Variants in PDE2A observed in about 807,000 individuals in gnomAD.
PDE2A encodes the protein phosphodiesterase 2A.
In PDE2A, 53 loss-of-function variants were observed where a neutral mutation model predicts 133.6. The observed-to-expected ratio is 0.40, with a 90% CI of 0.32 to 0.50. PDE2A has a LOEUF of 0.50. Ranked by LOEUF, PDE2A falls within the 20% of genes least tolerant of loss-of-function variation. The probability of loss-of-function intolerance (pLI) is 0.73; values close to 1 mark genes in which losing one functional copy is unlikely to be tolerated. For missense variants in PDE2A, 796 were observed against 1,232.4 expected, an observed-to-expected ratio of 0.65 and a Z score of 5.30; for synonymous variants, 491 against 490.2, an observed-to-expected ratio of 1.00 and a Z score of -0.02.
intron 2 of PDE2A, among the ~76,000 whole-genome samples, chr11:72,612,275 C>CACA (rs1857241692): frequency 3.2e-5 from 4 of 124,186 alleles, no homozygotes; most frequent in African/African-American, 8.4e-5. Context: ...CACATCACAT[C>CACA]CACACACACA....
intron 2 of PDE2A, among the ~76,000 whole-genome samples, chr11:72,639,155 T>C (rs1180226494): frequency 6.6e-6 from 1 of 152,176 alleles, no homozygotes; most frequent in African/African-American, 2.4e-5. Flanking sequence ...CAGCTCTCTC[T>C]GGAAGGTATG....
intron 24 of PDE2A, 121 bp from the exon 25 acceptor site, chr11:72,580,745 G>T: frequency 1.0e-6 from 1 of 1,003,614 alleles, no homozygotes; most frequent in Non-Finnish European, 1.6e-6. Context: ...CAGAGCCAGG[G>T]GCAAACCCTG....
rs530998068 is a variant in PDE2A at position 72,589,075 on chromosome 11, C to T, written c.939+100G>A. ...ACAGTAGAAAGTCCCCAGGTCTTAT[C>T]TGCCCCATTCCTAGGCTGCTCTGTA... On this transcript the variant is annotated intron_variant, in intron 12 of 30. Transcript: ENST00000334456. 1.4e-5 allele frequency: 18 copies of T among 1,257,694 alleles called. No individual in the cohort carries two copies. In the African/African-American group the frequency reaches 2.5e-4, roughly 17 times the overall value. 77.9% of individuals were successfully genotyped at this position (1,257,694 alleles called of 1,614,324 possible). A position where few individuals can be genotyped will look rare whatever the true frequency, so the allele number is the denominator to read the frequency against.
Position 72,590,429 on chromosome 11 carries a change from C to T in PDE2A, c.701G>A (p.Cys234Tyr). 1.3e-6 allele frequency: 2 copies of T among 1,569,604 alleles called. No homozygotes were observed. The highest frequency in any genetic ancestry group is 1.7e-6 in the Non-Finnish European group (2 of 1,158,358). ...TDRDRKILQL[C>Y]GELYDLDASS... is the part of the protein sequence containing the mutation. ...ACCTGTCCAGGCCGGGCCCTCACCG[C>T]ACAGTTGGAGGATCTTGCGGTCGCG... The change falls in exon 8 of 31, where the codon TGC becomes TAC. Residue 234 changes from cysteine (C) to tyrosine (Y), a missense_variant and splice_region_variant. Cys to Tyr is a radical substitution (Grantham distance 194). This residue lies in a region of PDE2A where 417 missense variants were observed against 475.3 expected (regional missense o/e 0.88). Coordinates refer to ENST00000334456, the MANE Select transcript of PDE2A (RefSeq NM_002599.5). The surrounding 1 kb of genome is among the most constrained non-coding windows in gnomAD (Gnocchi z 4.8).
At chr11:72,628,293 T>C (rs544776487) in intron 2 of PDE2A, among the ~76,000 whole-genome samples, 1 of 152,268 alleles carries the variant, frequency 6.6e-6, no homozygotes, top group Non-Finnish European at 1.5e-5. Context: ...ATTGTGGTAA[T>C]GTTGAATAAC....
At chr11:72,632,296 G>C (rs1858444723) in intron 2 of PDE2A, among the ~76,000 whole-genome samples, 2 of 152,148 alleles carry the variant, frequency 1.3e-5, no homozygotes, top group African/African-American at 4.8e-5. Flanking sequence ...GGCCGAAGCA[G>C]GGCGTCTGGT....
At chr11:72,645,601 T>G in intron 1 of PDE2A, among the ~76,000 whole-genome samples, 1 of 152,224 alleles carries the variant, frequency 6.6e-6, no homozygotes, top group Non-Finnish European at 1.5e-5. Flanking sequence ...TTTTAAATAC[T>G]GATATCTGGA....
At chr11:72,637,750 C>G (rs571536473) in intron 2 of PDE2A, among the ~76,000 whole-genome samples, 6 of 152,298 alleles carry the variant, frequency 3.9e-5, no homozygotes, top group South Asian at 2.1e-4. Flanking sequence ...TTCAGAGAAG[C>G]CTTCTTGGAG....
chr11:72,618,878 C>G (rs1241421296), intron 2 of PDE2A, among the ~76,000 whole-genome samples: 1 of 152,200 alleles, frequency 6.6e-6, no homozygotes, highest in Non-Finnish European at 1.5e-5. Flanking sequence ...CCAACATAAA[C>G]AGCCCACCTC....
At chr11:72,617,822 A>T (rs564676869) in intron 2 of PDE2A, among the ~76,000 whole-genome samples, 1 of 152,166 alleles carries the variant, frequency 6.6e-6, no homozygotes, top group African/African-American at 2.4e-5. Flanking sequence ...CTTCCTCTGC[A>T]CTGACTCCTG....
At chr11:72,648,852 T>C (rs1854640664) in intron 1 of PDE2A, among the ~76,000 whole-genome samples, 1 of 152,056 alleles carries the variant, frequency 6.6e-6, no homozygotes, top group Admixed American at 6.5e-5. Flanking sequence ...TCCATGTTCC[T>C]ATCACGCCTA....
intron 1 of PDE2A, among the ~76,000 whole-genome samples, chr11:72,653,649 G>A (rs1565193497): frequency 1.3e-5 from 2 of 152,152 alleles, no homozygotes; most frequent in Admixed American, 6.5e-5. Flanking sequence ...ACTCGGACGC[G>A]GAGACAGACA....
intron 3 of PDE2A, among the ~76,000 whole-genome samples, chr11:72,607,599 T>C (rs967992544): frequency 6.6e-6 from 1 of 152,144 alleles, no homozygotes; most frequent in Non-Finnish European, 1.5e-5. Flanking sequence ...GGAGAGGGAA[T>C]GGGGCTGCTT....
At chr11:72,640,791 T>A (rs1858919857) in intron 2 of PDE2A, among the ~76,000 whole-genome samples, 3 of 151,596 alleles carry the variant, frequency 2.0e-5, no homozygotes, top group South Asian at 4.2e-4. Context: ...CTACAACAAC[T>A]CCACTGTACA....
intron 1 of PDE2A, among the ~76,000 whole-genome samples, chr11:72,672,575 A>T (rs1468939118): frequency 6.6e-6 from 1 of 152,152 alleles, no homozygotes; most frequent in African/African-American, 2.4e-5. Context: ...GATAAAGCCT[A>T]AGAGTCCTGG....
intron 2 of PDE2A, chr11:72,631,160 G>A (rs1402587216): frequency 5.2e-6 from 8 of 1,535,360 alleles, no homozygotes; most frequent in Non-Finnish European, 7.0e-6. Context: ...AAGAAGGTCA[G>A]GGGCTGAGGC....
rs1321191594 is a variant in PDE2A at position 72,583,416 on chromosome 11, C to T, written c.1728+22G>A. The T allele has an allele frequency of 4.5e-6, 7 of 1,554,824 alleles. No individual in the cohort carries two copies. The Admixed American group carries it at 5.0e-5, about 11-fold the overall frequency. On this transcript the variant is annotated intron_variant, in intron 20 of 30. Transcript: ENST00000334456. ...TCCCCGGGGAATCTGGGAGGAGGACCAGAGGTCTCTGCAAGCCTCACCTTC... is the reference window on the plus strand; with the variant it reads ...TCCCCGGGGAATCTGGGAGGAGGACTAGAGGTCTCTGCAAGCCTCACCTTC...
chr11:72,654,121 G>T (rs965822104), intron 1 of PDE2A, among the ~76,000 whole-genome samples: 24 of 152,170 alleles, frequency 1.6e-4, no homozygotes, highest in Admixed American at 1.3e-3. Flanking sequence ...CCAGCCCTGG[G>T]ATGTTTACTT....
intron 6 of PDE2A, among the ~76,000 whole-genome samples, chr11:72,594,610 C>A (rs1856389471): frequency 6.6e-6 from 1 of 152,124 alleles, no homozygotes; most frequent in Non-Finnish European, 1.5e-5. Flanking sequence ...GCAGCCAGAG[C>A]CCAGCTGGCT....
Sources: gnomAD v4.1 joint callset for allele counts (sites outside exome capture counted in the v4.1 genomes callset) on GRCh38, gnomAD v4.1.1 for gene constraint, gnomAD v4.1.1 regional missense constraint, Gnocchi (gnomAD v3.1) non-coding constraint, MANE v1.5 for transcripts, NCBI Gene and HGNC (gene_info 2026-07-23, HGNC 2026-07-21) for gene names.